Variants in STX19 observed in about 807,000 individuals in gnomAD.
The protein encoded by STX19 is syntaxin-19.
A neutral mutation model predicts 24.3 loss-of-function variants in STX19; 26 were observed. The ratio of observed to expected loss-of-function variants is 1.07; its 90% CI spans 0.78 to 1.48. The LOEUF is 1.48. Ranked by LOEUF, STX19 falls within the 40% of genes most tolerant of loss-of-function variation. STX19 has a pLI of 0.00. For missense variants in STX19, 367 were observed against 331.9 expected, an observed-to-expected ratio of 1.11 and a Z score of -0.82; for synonymous variants, 116 against 106.9, an observed-to-expected ratio of 1.09 and a Z score of -0.52.
intron 1 of STX19, 148 bp downstream of exon 1, chr3:94,028,219 C>G (rs2076598236): frequency 6.6e-6 from 1 of 152,110 alleles, no homozygotes; most frequent in Non-Finnish European, 1.5e-5. Context: ...TATATGTGAA[C>G]AAATCAGCTA....
chr3:94,024,998 T>G (rs546060026), intron 1 of STX19, among the ~76,000 whole-genome samples: 2 of 152,332 alleles, frequency 1.3e-5, no homozygotes, highest in African/African-American at 4.8e-5. Flanking sequence ...GAGCACAGTG[T>G]ACACAGGCCT....
chr3:94,024,316 A>G (rs540536436), intron 1 of STX19, among the ~76,000 whole-genome samples: 153 of 152,304 alleles, frequency 1.0e-3, no homozygotes, highest in African/African-American at 3.5e-3. Context: ...AAATATAGGG[A>G]AAAAGAAAGA....
chr3:94,017,734 A>T (rs912079688), intron 1 of STX19, among the ~76,000 whole-genome samples: 2 of 152,174 alleles, frequency 1.3e-5, no homozygotes, highest in Admixed American at 6.5e-5. Context: ...GATATTTGAG[A>T]TGTGAGACTG....
In STX19 at chr3:94,014,540, C is replaced by A; in HGVS notation, c.730G>T (p.Gly244Ter). Residue 244 changes from glycine to a stop codon, truncating the protein, a stop_gained, in exon 2 of 2, where the codon GGA becomes TGA. Transcript: ENST00000315099. LOFTEE classifies it high-confidence loss of function. ...IQISLLVEEQ[G>*]ESINNIEMTV... ...ATTTCAATATTGTTGATGCTCTCTC[C>A]TTGTTCCTCTACTAAAAGAGATATC... is the stretch of plus-strand genomic sequence containing the variant. 1 of 1,612,862 alleles carries A rather than the reference C, an allele frequency of 6.2e-7. No homozygotes were observed.
intron 1 of STX19, among the ~76,000 whole-genome samples, chr3:94,027,781 T>C (rs777339929): frequency 1.6e-4 from 25 of 152,116 alleles, no homozygotes; most frequent in Non-Finnish European, 3.5e-4. Context: ...ATAACAAGTA[T>C]TTTTAATGTA....
intron 1 of STX19, among the ~76,000 whole-genome samples, chr3:94,024,508 A>G (rs897904004): frequency 1.3e-5 from 2 of 152,218 alleles, no homozygotes; most frequent in African/African-American, 2.4e-5. Context: ...CTTTGGTTGC[A>G]TGGTTTGGAA....
rs958145324 is a variant in STX19 at position 94,015,317 on chromosome 3, A to C, written c.-13-35T>G. 4 of 1,476,480 alleles carry C rather than the reference A, an allele frequency of 2.7e-6. No individual in the cohort carries two copies. In the African/African-American group the frequency reaches 5.6e-5, roughly 21 times the overall value. The allele number at this position is 1,476,480 out of a possible 1,614,324, so 91.5% of individuals were successfully genotyped here. ...AAAAATTTTTGTGTTGAACAAGTAG[A>C]AATTTGGTATTTTTCCCCAGTAGCA... On this transcript the variant is annotated intron_variant, in intron 1 of 1. Transcript: ENST00000315099.
intron 1 of STX19, among the ~76,000 whole-genome samples, chr3:94,026,757 T>A (rs2076566704): frequency 6.6e-6 from 1 of 152,194 alleles, no homozygotes; most frequent in Non-Finnish European, 1.5e-5. Flanking sequence ...GGAAGAGTTA[T>A]ATACAAATAT....
At position 94,015,174 on chromosome 3, in the gene STX19, C is replaced by G; in HGVS notation, c.96G>C (p.Gly32=). ...HVSTTETEEQ[G]VFLQQAVIYE... ...AAATAACAGCTTGCTGTAGAAACACCCCTTGTTCCTCTGTTTCTGTAGTTG... is the reference window on the plus strand; with the variant it reads ...AAATAACAGCTTGCTGTAGAAACACGCCTTGTTCCTCTGTTTCTGTAGTTG... Residue 32 remains glycine, a synonymous_variant, in exon 2 of 2, where the codon GGG becomes GGC. Transcript: ENST00000315099. 6.2e-7 allele frequency: 1 copy of G among 1,613,778 alleles called. No individual in the cohort carries two copies. The highest frequency in any genetic ancestry group is 8.5e-7 in the Non-Finnish European group (1 of 1,179,892).
At chr3:94,026,098 C>A (rs2076551894) in intron 1 of STX19, among the ~76,000 whole-genome samples, 2 of 151,468 alleles carry the variant, frequency 1.3e-5, no homozygotes, top group South Asian at 4.2e-4. Flanking sequence ...CGGCTCACTG[C>A]AAGCTCCGCC....
intron 1 of STX19, among the ~76,000 whole-genome samples, chr3:94,018,684 C>T (rs2076383833): frequency 6.6e-6 from 1 of 152,194 alleles, no homozygotes; most frequent in Non-Finnish European, 1.5e-5. Context: ...AGCTCATAAT[C>T]TTCCTGTGAA....
intron 1 of STX19, among the ~76,000 whole-genome samples, chr3:94,020,732 A>G (rs377329961): frequency 5.9e-5 from 9 of 152,328 alleles, no homozygotes; most frequent in Admixed American, 5.2e-4. Context: ...CCGGTGGGAA[A>G]CATTTAAGAG....
chr3:94,025,555 G>C (rs1489316078), intron 1 of STX19, among the ~76,000 whole-genome samples: 1 of 152,210 alleles, frequency 6.6e-6, no homozygotes, highest in East Asian at 1.9e-4. Context: ...TGACCACTCT[G>C]TTAAATGTGG....
intron 1 of STX19, among the ~76,000 whole-genome samples, chr3:94,018,103 G>A (rs1292946043): frequency 6.6e-6 from 1 of 152,140 alleles, no homozygotes; most frequent in East Asian, 1.9e-4. Flanking sequence ...TCCCTATGTT[G>A]TCCAGGCCGG....
intron 1 of STX19, among the ~76,000 whole-genome samples, chr3:94,024,881 C>A (rs113515561): frequency 6.6e-6 from 1 of 152,134 alleles, no homozygotes; most frequent in Non-Finnish European, 1.5e-5. Context: ...AGCTAGTGCA[C>A]CCAGCCTCTT....
chr3:94,015,625 T>A (rs1440455813), intron 1 of STX19, among the ~76,000 whole-genome samples: 1 of 152,182 alleles, frequency 6.6e-6, no homozygotes, highest in Admixed American at 6.5e-5. Context: ...ACCTATAGGA[T>A]TAGTCTTCAG....
chr3:94,014,473 TC>T lies in STX19; in HGVS notation c.796del (p.Glu266ArgfsTer5). On this transcript the variant is annotated frameshift_variant, in exon 2 of 2. Transcript: ENST00000315099. LOFTEE classifies it high-confidence loss of function. Reference protein sequence around the residue: ...STKEYVNNTKEKFGLAVKYKK... With the variant: ...STKEYVNNTKXKFGLAVKYKK... ...GTATTTTACAGCTAGTCCAAATTTC[TC>T]TTTAGTATTGTTAACATACTCTTTT... is the stretch of plus-strand genomic sequence containing the variant. 6.2e-7 allele frequency: 1 copy of T among 1,606,462 alleles called. No homozygotes were observed. The highest frequency in any genetic ancestry group is 8.5e-7 in the Non-Finnish European group (1 of 1,178,042).
intron 1 of STX19, among the ~76,000 whole-genome samples, 171 bp downstream of exon 1, chr3:94,028,196 A>G (rs2076597680): frequency 6.6e-6 from 1 of 152,164 alleles, no homozygotes; most frequent in South Asian, 2.1e-4. Flanking sequence ...GATCCCAGTC[A>G]GCATGTCAGT....
At chr3:94,018,423 G>GT (rs1021766382) in intron 1 of STX19, among the ~76,000 whole-genome samples, 4 of 151,812 alleles carry the variant, frequency 2.6e-5, no homozygotes, top group Admixed American at 6.6e-5. Flanking sequence ...TATTTCTCCT[G>GT]TTTTTTTTCT....
Sources: gnomAD v4.1 joint callset for allele counts (sites outside exome capture counted in the v4.1 genomes callset) on GRCh38, gnomAD v4.1.1 for gene constraint, MANE v1.5 for transcripts, NCBI Gene and HGNC (gene_info 2026-07-23, HGNC 2026-07-21) for gene names.